Variants in FER observed in about 807,000 individuals in gnomAD.
FER encodes tyrosine-protein kinase Fer.
FER carries 63 observed loss-of-function variants against 111.0 expected under a neutral mutation model. That is an observed-to-expected ratio of 0.57 (90% CI 0.46 to 0.70). FER has a LOEUF of 0.70. FER is among the 30% of genes least tolerant of loss of function. The pLI is 0.00. For missense variants in FER, 914 were observed against 954.0 expected (o/e 0.96, Z 0.55); for synonymous variants, 327 against 313.9 (o/e 1.04, Z -0.44).
intron 3 of FER, among the ~76,000 whole-genome samples, chr5:108,813,548 A>G (rs889158698): frequency 8.6e-5 from 13 of 151,984 alleles, no homozygotes; most frequent in Admixed American, 6.6e-4. Flanking sequence ...GTTGTCTTAC[A>G]GTTTACTATG....
intron 13 of FER, among the ~76,000 whole-genome samples, chr5:108,992,860 G>A (rs546018428): frequency 2.0e-5 from 3 of 151,530 alleles, no homozygotes; most frequent in Admixed American, 6.6e-5. Flanking sequence ...CCTCCCAGAC[G>A]GGGTCGCGGC....
chr5:108,817,480 A>G (rs967540062), intron 3 of FER, among the ~76,000 whole-genome samples: 1 of 152,224 alleles, frequency 6.6e-6, no homozygotes, highest in Non-Finnish European at 1.5e-5. Flanking sequence ...GTATTTAAAA[A>G]AATTCAAGCA....
chr5:108,850,254 A>G (rs1440281029), intron 5 of FER, among the ~76,000 whole-genome samples: 1 of 151,444 alleles, frequency 6.6e-6, no homozygotes, highest in African/African-American at 2.4e-5. Context: ...TTCCTCTTGA[A>G]ATTTATAATG....
intron 11 of FER, among the ~76,000 whole-genome samples, chr5:108,948,102 T>A (rs1421874911): frequency 6.6e-6 from 1 of 152,130 alleles, no homozygotes; most frequent in Admixed American, 6.6e-5. Context: ...TGTTAAAGCA[T>A]AATTTTAGAT....
At chr5:109,057,489 C>G (rs770286880) in intron 16 of FER, among the ~76,000 whole-genome samples, 2 of 151,776 alleles carry the variant, frequency 1.3e-5, no homozygotes, top group Non-Finnish European at 2.9e-5. Flanking sequence ...TAACTTTATA[C>G]AAATTTTATT....
At chr5:109,092,977 A>T (rs1273229975) in intron 16 of FER, among the ~76,000 whole-genome samples, 1 of 152,194 alleles carries the variant, frequency 6.6e-6, no homozygotes, top group Non-Finnish European at 1.5e-5. Flanking sequence ...CCTTGAAAAC[A>T]TTGTGCTAAG....
At position 109,194,590 on chromosome 5, in the gene FER, CAGTT is replaced by C. The variant is rs1251996275; in HGVS notation, c.*7018_*7021del. 6.6e-6 allele frequency: 1 copy of C among 152,226 alleles called. No homozygotes were observed. The highest frequency in any genetic ancestry group is 1.5e-5 in the Non-Finnish European group (1 of 68,038). 9.4% of individuals were successfully genotyped at this position (152,226 alleles called of 1,614,324 possible). A position where few individuals can be genotyped will look rare whatever the true frequency, so the allele number is the denominator to read the frequency against. ...AAATCCCACTTTACCCCACTGTCAT[CAGTT>C]AGAACACCCTTGCAAAAACTGTAAC... On this transcript the variant is annotated 3_prime_UTR_variant, in exon 20 of 20. Transcript: ENST00000281092.
At chr5:108,825,173 A>G (rs1265211980) in intron 3 of FER, among the ~76,000 whole-genome samples, 3 of 152,164 alleles carry the variant, frequency 2.0e-5, no homozygotes, top group Non-Finnish European at 4.4e-5. Context: ...CAGGAGACAG[A>G]GTTTTGAGAT....
chr5:109,179,726 A>G (rs1758087754), intron 17 of FER, among the ~76,000 whole-genome samples: 1 of 152,190 alleles, frequency 6.6e-6, no homozygotes, highest in Non-Finnish European at 1.5e-5. Context: ...ATTATGTATT[A>G]TAAGTAATCT....
At chr5:108,868,569 G>T (rs1390781318) in intron 6 of FER, among the ~76,000 whole-genome samples, 1 of 152,010 alleles carries the variant, frequency 6.6e-6, no homozygotes, top group Non-Finnish European at 1.5e-5. Flanking sequence ...TTGCTTAGTT[G>T]TTTTAGTGCC....
chr5:108,841,431 T>C (rs1761255584), intron 5 of FER, among the ~76,000 whole-genome samples: 1 of 152,186 alleles, frequency 6.6e-6, no homozygotes, highest in African/African-American at 2.4e-5. Flanking sequence ...AAGGAAATAA[T>C]ATATTTTTAA....
intron 5 of FER, chr5:108,842,806 T>C (rs1761404695): frequency 6.6e-6 from 1 of 152,162 alleles, no homozygotes; most frequent in South Asian, 2.1e-4. Context: ...CTGGTGGGAA[T>C]GTAAAATAGT....
intron 2 of FER, among the ~76,000 whole-genome samples, chr5:108,780,758 C>T (rs903914087): frequency 6.6e-6 from 1 of 151,732 alleles, no homozygotes; most frequent in East Asian, 1.9e-4. Context: ...TTGGTATTCC[C>T]ATTACATGTA....
chr5:108,816,009 C>T (rs950258303), intron 3 of FER, among the ~76,000 whole-genome samples: 6 of 152,084 alleles, frequency 3.9e-5, no homozygotes, highest in South Asian at 2.1e-4. Context: ...AAATTGAAGA[C>T]GAGTCTGGGT....
At chr5:109,077,784 CAATT>C (rs1442118227) in intron 16 of FER, among the ~76,000 whole-genome samples, 2 of 152,240 alleles carry the variant, frequency 1.3e-5, no homozygotes, top group Non-Finnish European at 2.9e-5. Context: ...GGATATCACA[CAATT>C]AATATTATTG....
rs1751236899 is a variant in FER, at chr5:108,757,386, T to G, written c.-206+9386T>G. Among the ~76,000 whole-genome samples, 3 of 152,262 alleles carry G rather than the reference T, an allele frequency of 2.0e-5. No individual in the cohort carries two copies. The South Asian group carries it at 6.2e-4, about 32-fold the overall frequency. ...TAACATGTTTCTTTGTAAAAAAATT[T>G]CCTGAAAAAGAAAGCCAGCTGCTAG... On this transcript the variant is annotated intron_variant, in intron 1 of 19. Coordinates refer to ENST00000281092, the MANE Select transcript of FER (RefSeq NM_005246.4).
At chr5:109,081,308 T>C (rs1041898572) in intron 16 of FER, among the ~76,000 whole-genome samples, 1 of 152,118 alleles carries the variant, frequency 6.6e-6, no homozygotes, top group Non-Finnish European at 1.5e-5. Flanking sequence ...CTCTTATCTC[T>C]TTCCTGAAGT....
chr5:108,816,616 A>G (rs1461178558), intron 3 of FER, among the ~76,000 whole-genome samples: 2 of 152,132 alleles, frequency 1.3e-5, no homozygotes, highest in African/African-American at 4.8e-5. Context: ...ATTTGTCCAT[A>G]AGCCCTGTGG....
At position 109,172,642 on chromosome 5, in the gene FER, T is replaced by G. The variant is rs192819410; in HGVS notation, c.2049-8105T>G. ...TAAAACTTAAAGTATAATAATAAAA[T>G]AAAAAGAAAAAAATTTTTTATATGT... On this transcript the variant is annotated intron_variant, in intron 17 of 19. Coordinates refer to ENST00000281092, the MANE Select transcript of FER (RefSeq NM_005246.4). 2.9e-3 allele frequency among the ~76,000 whole-genome samples: 439 copies of G among 151,790 alleles called. 2 individuals carry two copies. The highest frequency in any genetic ancestry group is 5.0e-3 in the Non-Finnish European group (339 of 67,860).
Sources: allele counts gnomAD v4.1 joint callset (sites outside exome capture counted in the v4.1 genomes callset), GRCh38; gene constraint gnomAD v4.1.1; transcripts MANE v1.5; gene names NCBI Gene and HGNC (gene_info 2026-07-23, HGNC 2026-07-21).